Variants in PLCG2 observed in about 807,000 individuals in gnomAD.
The protein encoded by PLCG2 is phospholipase C gamma 2, also known as 1-phosphatidylinositol 4,5-bisphosphate phosphodiesterase gamma-2.
A neutral mutation model predicts 175.6 loss-of-function variants in PLCG2; 69 were observed. That is an observed-to-expected ratio of 0.39 (90% CI 0.32 to 0.48). The LOEUF (loss-of-function observed/expected upper bound fraction) is 0.48, where lower values mean the gene tolerates loss of function less well. PLCG2 is among the 20% of genes least tolerant of loss of function. PLCG2 has a pLI of 0.91. For missense variants in PLCG2, 1,798 were observed against 1,650.9 expected (o/e 1.09, Z -1.54); for synonymous variants, 827 against 624.0 (o/e 1.33, Z -4.85).
chr16:81,835,909 CAA>C (rs1048483798), intron 2 of PLCG2, among the ~76,000 whole-genome samples: 3 of 152,074 alleles, frequency 2.0e-5, no homozygotes, highest in Non-Finnish European at 4.4e-5. Context: ...TGTCTCTGTC[CAA>C]ATTTCCCTCT....
intron 2 of PLCG2, among the ~76,000 whole-genome samples, chr16:81,812,181 C>A (rs1305200482): frequency 1.3e-5 from 2 of 151,856 alleles, no homozygotes; most frequent in African/African-American, 2.4e-5. Context: ...TCCTGAGTAG[C>A]TGGGACTACA....
rs774342945 is a variant in PLCG2 at position 81,854,529 on chromosome 16, C to G, written c.279C>G (p.Asp93Glu). 6.2e-7 allele frequency: 1 copy of G among 1,613,884 alleles called. No homozygotes were observed. Among genetic ancestry groups the G allele is most frequent in the Non-Finnish European group, 8.5e-7 (1 of 1,179,712 alleles). ...CAAAAGCAGTTCGCCAGAAAGAAGACTGCTGCTTCACCATCCTATATGGCA... is the reference window on the plus strand; with the variant it reads ...CAAAAGCAGTTCGCCAGAAAGAAGAGTGCTGCTTCACCATCCTATATGGCA... ...ERAKAVRQKEDCCFTILYGTQ... is the reference protein window; with the variant it reads ...ERAKAVRQKEECCFTILYGTQ... Residue 93 changes from aspartate to glutamate, a missense_variant, in exon 3 of 33, where the codon GAC (aspartate) becomes GAG (glutamate). Coordinates refer to ENST00000564138, the MANE Select transcript of PLCG2 (RefSeq NM_002661.5).
intron 10 of PLCG2, 35 bp from the exon 11 acceptor site, chr16:81,891,437 C>G: frequency 8.7e-7 from 1 of 1,149,200 alleles, no homozygotes; most frequent in South Asian, 1.2e-5. Flanking sequence ...TGCCCGTCAA[C>G]GTGATGATTC....
At chr16:81,860,164 TTA>T (rs1906899160) in intron 5 of PLCG2, among the ~76,000 whole-genome samples, 2 of 100,206 alleles carry the variant, frequency 2.0e-5, no homozygotes, top group African/African-American at 3.4e-5. Flanking sequence ...ATTATTATTA[TTA>T]TTATTATTTT....
At chr16:81,895,717 A>T in intron 12 of PLCG2, 90 bp from the exon 13 acceptor site, 1 of 1,432,600 alleles carries the variant, frequency 7.0e-7, no homozygotes, top group South Asian at 1.2e-5. Flanking sequence ...GTCCTTGTCT[A>T]GTAACTGAAC....
At chr16:81,753,271 A>G (rs1040924843) in intron 1 of PLCG2, among the ~76,000 whole-genome samples, 2 of 150,748 alleles carry the variant, frequency 1.3e-5, no homozygotes, top group African/African-American at 2.4e-5. Context: ...CATTGAGCCA[A>G]TTTGGTAAAA....
chr16:81,779,472 G>A (rs1380941236), intron 1 of PLCG2, 48 bp downstream of exon 1: 2 of 151,666 alleles, frequency 1.3e-5, no homozygotes, highest in African/African-American at 4.8e-5. Context: ...CCAGGGACCT[G>A]CGCCCCGCGG....
chr16:81,936,732 C>T lies in PLCG2; in HGVS notation c.3052+354C>T, dbSNP rs974165793. Among the ~76,000 whole-genome samples, 14 of 152,316 alleles carry T rather than the reference C, an allele frequency of 9.2e-5. No individual in the cohort carries two copies. The South Asian group carries it at 1.9e-3, about 20-fold the overall frequency. On this transcript the variant is annotated intron_variant, in intron 27 of 32. Coordinates refer to ENST00000564138, the MANE Select transcript of PLCG2 (RefSeq NM_002661.5). ...GAGGGCTTTCTGCTCAGACTTTCTTCCAGAGACATTTACATGCTGGCATAA... is the reference window on the plus strand; with the variant it reads ...GAGGGCTTTCTGCTCAGACTTTCTTTCAGAGACATTTACATGCTGGCATAA...
At chr16:81,896,956 G>C (rs974613524) in intron 13 of PLCG2, among the ~76,000 whole-genome samples, 3 of 152,196 alleles carry the variant, frequency 2.0e-5, no homozygotes, top group African/African-American at 7.2e-5. Flanking sequence ...TCTTGGTCTG[G>C]GCTGGAGGTC....
At chr16:81,754,246 C>T (rs1489714835) in intron 1 of PLCG2, among the ~76,000 whole-genome samples, 2 of 150,134 alleles carry the variant, frequency 1.3e-5, no homozygotes, top group Admixed American at 6.6e-5. Flanking sequence ...CACCCATCCC[C>T]ACCTCCTTCC....
chr16:81,939,020 G>T lies in PLCG2; in HGVS notation c.3313+105G>T. The T allele has an allele frequency of 4.4e-6, 3 of 686,752 alleles. No homozygotes were observed. In the South Asian group the frequency reaches 5.2e-5, roughly 12 times the overall value. 42.5% of individuals were successfully genotyped at this position (686,752 alleles called of 1,614,324 possible). A position where few individuals can be genotyped will look rare whatever the true frequency, so the allele number is the denominator to read the frequency against. ...TTTGCAATGCTCTTTAGTTGTCCCAGGGTTTTCTTTCCTCCCTCTTGCCCA... is the reference window on the plus strand; with the variant it reads ...TTTGCAATGCTCTTTAGTTGTCCCATGGTTTTCTTTCCTCCCTCTTGCCCA... On this transcript the variant is annotated intron_variant, in intron 29 of 32. Transcript: ENST00000564138.
intron 31 of PLCG2, among the ~76,000 whole-genome samples, chr16:81,954,744 G>C (rs1034007428): frequency 6.6e-6 from 1 of 152,124 alleles, no homozygotes; most frequent in Non-Finnish European, 1.5e-5. Flanking sequence ...TATCACTGAT[G>C]GGCATTTGGG....
At chr16:81,758,759 C>T (rs532834933) in intron 2 of PLCG2, among the ~76,000 whole-genome samples, 11 of 151,856 alleles carry the variant, frequency 7.2e-5, no homozygotes, top group Non-Finnish European at 1.2e-4. Context: ...CTCACTGCAA[C>T]CTTTGCCTCC....
chr16:81,812,239 C>A (rs994044882), intron 2 of PLCG2, among the ~76,000 whole-genome samples: 1 of 151,778 alleles, frequency 6.6e-6, no homozygotes, highest in African/African-American at 2.4e-5. Context: ...TTAGTAGAGA[C>A]GAAGTTTCAC....
At position 81,956,812 on chromosome 16, in the gene PLCG2, G is replaced by A. The variant is rs989710468; in HGVS notation, c.3688G>A (p.Ala1230Thr). Residue 1230 changes from alanine to threonine, a missense_variant, in exon 32 of 33, where the codon GCC (alanine) becomes ACC (threonine). By Grantham distance (58) the Ala-to-Thr change is moderately conservative. Coordinates refer to ENST00000564138, the MANE Select transcript of PLCG2 (RefSeq NM_002661.5). ...GAACTTGCGCAATGCCAACCGGGAT[G>A]CCCTGGTTAAAGAGTTCAGTGTTAA... ...HQNLRNANRD[A>T]LVKEFSVNEN... 6.2e-7 allele frequency: 1 copy of A among 1,614,128 alleles called. No homozygotes were observed. The highest frequency in any genetic ancestry group is 8.5e-7 in the Non-Finnish European group (1 of 1,179,980).
chr16:81,766,062 GT>G (rs915597178), intron 2 of PLCG2, among the ~76,000 whole-genome samples: 1 of 152,192 alleles, frequency 6.6e-6, no homozygotes, highest in African/African-American at 2.4e-5. Flanking sequence ...CTTCCCAGGT[GT>G]GTCCTACCTC....
At chr16:81,829,698 G>A (rs1160157853) in intron 2 of PLCG2, among the ~76,000 whole-genome samples, 1 of 152,058 alleles carries the variant, frequency 6.6e-6, no homozygotes, top group Non-Finnish European at 1.5e-5. Flanking sequence ...TATTTCCATC[G>A]ATATGTAGAG....
chr16:81,931,067 G>C (rs1910482265), intron 24 of PLCG2, among the ~76,000 whole-genome samples: 2 of 152,130 alleles, frequency 1.3e-5, no homozygotes, highest in South Asian at 4.1e-4. Flanking sequence ...GTGGACAAGA[G>C]GGTATTTTTT....
intron 19 of PLCG2, among the ~76,000 whole-genome samples, chr16:81,913,551 C>A (rs4888186): frequency 0.93 from 141,397 of 152,288 alleles, 65,745 homozygotes; most frequent in East Asian, 0.97. Context: ...GAGTCTCTAG[C>A]CAGAGGCCTG....
Sources: gnomAD v4.1 joint callset for allele counts (sites outside exome capture counted in the v4.1 genomes callset) on GRCh38, gnomAD v4.1.1 for gene constraint, MANE v1.5 for transcripts, NCBI Gene and HGNC (gene_info 2026-07-23, HGNC 2026-07-21) for gene names.